The following PAX5 variants were observed in gnomAD, a reference collection of about 807,000 sequenced individuals.
PAX5 encodes paired box 5.
A neutral mutation model predicts 43.7 loss-of-function variants in PAX5; 9 were observed. The ratio of observed to expected loss-of-function variants is 0.21; its 90% confidence interval spans 0.12 to 0.36. The LOEUF (loss-of-function observed/expected upper bound fraction) is 0.36. PAX5 is among the 10% of genes least tolerant of loss of function. The pLI is 1.00. For missense variants in PAX5, 383 were observed against 532.7 expected (o/e 0.72, Z 2.77); for synonymous variants, 228 against 214.3 (o/e 1.06, Z -0.56).
chr9:36,845,467 G>C (rs1296598908), intron 9 of PAX5, among the ~76,000 whole-genome samples: 1 of 152,220 alleles, frequency 6.6e-6, no homozygotes, highest in East Asian at 1.9e-4. Context: ...ACCAAAAAAG[G>C]AGTCTGAGAA....
intron 8 of PAX5, among the ~76,000 whole-genome samples, chr9:36,880,683 C>T (rs1435957840): frequency 6.6e-6 from 1 of 152,244 alleles, no homozygotes; most frequent in Non-Finnish European, 1.5e-5. Flanking sequence ...ATGCCTTAGC[C>T]TCCCGAATAG....
rs543540695 is a variant in PAX5, at chr9:36,957,895, G to A, written c.780+8654C>T. ...AAGAGTTGAGCTGATGCAGTTGATGGTGACCACTGGAGGCACCTTCCAATA... is the reference window on the plus strand; with the variant it reads ...AAGAGTTGAGCTGATGCAGTTGATGATGACCACTGGAGGCACCTTCCAATA... On this transcript the variant is annotated intron_variant, in intron 6 of 9. Coordinates refer to ENST00000358127, the MANE Select transcript of PAX5 (RefSeq NM_016734.3). 6.9e-4 allele frequency among the ~76,000 whole-genome samples: 105 copies of A among 152,134 alleles called. 1 individual carries two copies. Among genetic ancestry groups the A allele is most frequent in the Non-Finnish European group, 1.3e-3 (86 of 67,996 alleles).
intron 8 of PAX5, among the ~76,000 whole-genome samples, chr9:36,863,970 A>C (rs370010380): frequency 6.6e-6 from 1 of 152,174 alleles, no homozygotes; most frequent in Non-Finnish European, 1.5e-5. Context: ...TTAGCTGGGC[A>C]TGGTGGCATG....
At chr9:36,845,893 C>T (rs1217026711) in intron 9 of PAX5, among the ~76,000 whole-genome samples, 1 of 152,190 alleles carries the variant, frequency 6.6e-6, no homozygotes, top group Non-Finnish European at 1.5e-5. Context: ...CTTAAGGAGG[C>T]CTTGTTAAGC....
intron 5 of PAX5, among the ~76,000 whole-genome samples, chr9:37,001,410 C>T (rs1195421082): frequency 6.6e-6 from 1 of 152,188 alleles, no homozygotes; most frequent in Non-Finnish European, 1.5e-5. Context: ...ATACCATCAA[C>T]CTCATAAAAC....
At chr9:36,865,684 G>A (rs919105344) in intron 8 of PAX5, among the ~76,000 whole-genome samples, 3 of 152,168 alleles carry the variant, frequency 2.0e-5, no homozygotes, top group Admixed American at 6.5e-5. Flanking sequence ...CTTCACTAGC[G>A]GAGTTTATTT....
At chr9:36,863,673 T>C (rs4880020) in intron 8 of PAX5, among the ~76,000 whole-genome samples, 38,921 of 152,168 alleles carry the variant, frequency 0.26, 5,539 homozygotes, top group East Asian at 0.45. Context: ...TACTATCACT[T>C]GGGCAAGTTA....
intron 2 of PAX5, among the ~76,000 whole-genome samples, chr9:37,019,606 C>A (rs1314194482): frequency 6.6e-6 from 1 of 152,236 alleles, no homozygotes; most frequent in Non-Finnish European, 1.5e-5. Flanking sequence ...GTCAGAATGT[C>A]ACTGACATAC....
chr9:36,895,490 C>CATAAATTTTATAACATAAAA (rs1827785992), intron 7 of PAX5, among the ~76,000 whole-genome samples: 2 of 152,196 alleles, frequency 1.3e-5, no homozygotes, highest in African/African-American at 4.8e-5. Flanking sequence ...ACTAGTTGTT[C>CATAAATTTTATAACATAAAA]TATAACCTTG....
intron 7 of PAX5, among the ~76,000 whole-genome samples, chr9:36,900,357 A>C (rs543114512): frequency 6.6e-6 from 1 of 152,298 alleles, no homozygotes; most frequent in Admixed American, 6.5e-5. Context: ...GTGTGAACCA[A>C]AGGGTCTGCG....
chr9:37,014,985 C>T lies in PAX5; in HGVS notation c.410+12G>A, dbSNP rs776236344. ...TCCAAATCCCCAACCCCCACAGGCA[C>T]GAGCCCCTCACCTGTTGATGGAACT... On this transcript the variant is annotated intron_variant, in intron 3 of 9. Transcript: ENST00000358127. 2.3e-5 allele frequency: 37 copies of T among 1,610,368 alleles called. No homozygotes were observed. The South Asian group carries it at 3.2e-4, about 14-fold the overall frequency.
chr9:36,944,308 A>C (rs1316963504), intron 6 of PAX5, among the ~76,000 whole-genome samples: 1 of 152,186 alleles, frequency 6.6e-6, no homozygotes, highest in Non-Finnish European at 1.5e-5. Context: ...CAGCCCTATA[A>C]GGCAAGCACT....
At chr9:36,964,423 C>G (rs1397346591) in intron 6 of PAX5, among the ~76,000 whole-genome samples, 1 of 151,750 alleles carries the variant, frequency 6.6e-6, no homozygotes, top group African/African-American at 2.4e-5. Flanking sequence ...AACCCCATCT[C>G]TACTAAAAAT....
chr9:36,946,183 G>A (rs528244134), intron 6 of PAX5, among the ~76,000 whole-genome samples: 82 of 152,104 alleles, frequency 5.4e-4, no homozygotes, highest in Non-Finnish European at 7.2e-4. Flanking sequence ...GGAGTGCTCC[G>A]TCAGGATGCA....
chr9:36,905,250 C>T (rs537148356), intron 7 of PAX5, among the ~76,000 whole-genome samples: 52 of 152,328 alleles, frequency 3.4e-4, no homozygotes, highest in South Asian at 6.2e-4. Context: ...TCAAGGTGGC[C>T]GGCTCTCCAT....
At chr9:36,919,756 C>T (rs931925424) in intron 7 of PAX5, among the ~76,000 whole-genome samples, 1 of 141,346 alleles carries the variant, frequency 7.1e-6, no homozygotes, top group Non-Finnish European at 1.5e-5. Context: ...CAGAGAATTG[C>T]TTGAACCCGG....
intron 8 of PAX5, among the ~76,000 whole-genome samples, chr9:36,869,828 ATAGATGGATGGATGGATAAATGG>A (rs1825253004): frequency 1.3e-5 from 2 of 150,346 alleles, no homozygotes; most frequent in African/African-American, 4.9e-5. Flanking sequence ...GGATGGATGA[ATAGATGGATGGATGGATAAATGG>A]ATGGATGGAT....
At chr9:36,898,383 C>G (rs1468238334) in intron 7 of PAX5, among the ~76,000 whole-genome samples, 16 of 152,084 alleles carry the variant, frequency 1.1e-4, no homozygotes, top group Admixed American at 5.9e-4. Context: ...GAGGTCTGAG[C>G]CACATCACCT....
intron 6 of PAX5, among the ~76,000 whole-genome samples, chr9:36,954,245 G>C (rs1588071088): frequency 6.6e-6 from 1 of 152,202 alleles, no homozygotes; most frequent in African/African-American, 2.4e-5. Flanking sequence ...GCAGATCTCA[G>C]CTGTAACTCT....
Sources: gnomAD v4.1 joint callset for allele counts (sites outside exome capture counted in the v4.1 genomes callset) on GRCh38, gnomAD v4.1.1 for gene constraint, MANE v1.5 for transcripts, NCBI Gene and HGNC (gene_info 2026-07-23, HGNC 2026-07-21) for gene names.